The following DMD variants were observed in gnomAD, a reference collection of about 807,000 sequenced individuals.
DMD encodes the protein mutant dystrophin.
In DMD, 63 loss-of-function variants were observed where a neutral mutation model predicts 330.1. The observed-to-expected ratio is 0.19, with a 90% confidence interval of 0.16 to 0.24. DMD has a LOEUF of 0.24. Ranked by LOEUF, DMD falls within the 10% of genes least tolerant of loss-of-function variation. The pLI, the probability that DMD is intolerant of heterozygous loss-of-function variation, is 1.00. For missense variants in DMD, 3,344 were observed against 2,684.1 expected (o/e 1.25, Z -5.43); for synonymous variants, 1,223 against 959.8 (o/e 1.27, Z -5.07).
intron 60 of DMD, among the ~76,000 whole-genome samples, chrX:31,379,185 C>T (rs902646211): frequency 1.3e-4 from 14 of 109,843 alleles, no homozygotes; most frequent in Non-Finnish European, 2.3e-4. Context: ...CCCCTCCTCG[C>T]CAGGCCCAAT....
intron 2 of DMD, among the ~76,000 whole-genome samples, chrX:32,897,985 G>A (rs965142139): frequency 4.5e-5 from 5 of 112,122 alleles, no homozygotes; most frequent in Non-Finnish European, 7.5e-5. Flanking sequence ...ATTTTTAAGA[G>A]TTTTTTCCAC....
At chrX:33,119,805 T>C (rs1299226845) in intron 1 of DMD, among the ~76,000 whole-genome samples, 1 of 111,738 alleles carries the variant, frequency 8.9e-6, no homozygotes, top group Non-Finnish European at 1.9e-5. Context: ...GGGGGATTAT[T>C]GTAGTATCTA....
intron 65 of DMD, 142 bp from the exon 66 acceptor site, chrX:31,206,809 TATTAAG>T: frequency 3.9e-6 from 2 of 518,059 alleles, no homozygotes; most frequent in Middle Eastern, 7.2e-4. Flanking sequence ...ACCACTGTTT[TATTAAG>T]ATTGTTTTGA....
chrX:32,576,310 A>AT (rs1274975989), intron 13 of DMD, among the ~76,000 whole-genome samples: 1 of 111,124 alleles, frequency 9.0e-6, no homozygotes, highest in Non-Finnish European at 1.9e-5. Context: ...CCAGCATGCG[A>AT]TTTTTTTCTT....
intron 43 of DMD, among the ~76,000 whole-genome samples, chrX:32,287,266 A>G (rs901865278): frequency 8.9e-6 from 1 of 111,817 alleles, no homozygotes; most frequent in African/African-American, 3.2e-5. Context: ...CAATGCCCCA[A>G]TCTGATTTAC....
chrX:32,192,964 G>A (rs940602658), intron 44 of DMD, among the ~76,000 whole-genome samples: 49 of 111,912 alleles, frequency 4.4e-4, no homozygotes, highest in African/African-American at 1.4e-3. Context: ...CTGGTGGGAG[G>A]TGACTGGATC....
intron 50 of DMD, among the ~76,000 whole-genome samples, chrX:31,795,372 G>T (rs17340976): frequency 0.12 from 13,031 of 111,528 alleles, 551 homozygotes; most frequent in East Asian, 0.18. Context: ...CTTATCTGAG[G>T]GTGAAATCTC....
chrX:32,506,869 GT>G (rs1399449073), intron 18 of DMD, among the ~76,000 whole-genome samples: 1 of 111,417 alleles, frequency 9.0e-6, no homozygotes, highest in Admixed American at 9.5e-5. Context: ...TAATTTGTTG[GT>G]TGAACTGAAA....
At chrX:32,441,031 A>G (rs2148220127) in intron 28 of DMD, 149 bp downstream of exon 28, 2 of 635,621 alleles carry the variant, frequency 3.1e-6, no homozygotes, top group Non-Finnish European at 2.3e-6. Flanking sequence ...AGGGGGAACA[A>G]AGGCTTTATC....
At chrX:32,723,036 C>T (rs749272923) in intron 7 of DMD, among the ~76,000 whole-genome samples, 1 of 110,963 alleles carries the variant, frequency 9.0e-6, no homozygotes, top group African/African-American at 3.3e-5. Flanking sequence ...AGTACAACCA[C>T]CCCACAACCA....
chrX:31,706,956 G>T (rs1368377671), intron 52 of DMD, among the ~76,000 whole-genome samples: 1 of 111,951 alleles, frequency 8.9e-6, no homozygotes, highest in Non-Finnish European at 1.9e-5. Flanking sequence ...TTAGCAAGAG[G>T]TTCAGAACAG....
chrX:32,330,312 CTTTTA>C (rs2097672892), intron 41 of DMD, among the ~76,000 whole-genome samples: 1 of 111,937 alleles, frequency 8.9e-6, no homozygotes, highest in Admixed American at 9.5e-5. Context: ...TATTATAATC[CTTTTA>C]TTTTGTGAAA....
At chrX:31,522,357 C>CTATATATATATA (rs1205735701) in intron 55 of DMD, among the ~76,000 whole-genome samples, 4 of 57,657 alleles carry the variant, frequency 6.9e-5, no homozygotes, top group Non-Finnish European at 8.7e-5. Flanking sequence ...CTCTCTCTCT[C>CTATATATATATA]TCTCTCTATA....
chrX:32,269,421 C>T (rs2097357275), intron 43 of DMD, among the ~76,000 whole-genome samples: 1 of 112,012 alleles, frequency 8.9e-6, no homozygotes, highest in Non-Finnish European at 1.9e-5. Context: ...TTCATTTCTG[C>T]TCTAAAGTTT....
In DMD at chrX:31,120,917, A is replaced by G. The variant is rs1006458320; in HGVS notation, c.*1002T>C. The stretch of plus-strand genomic sequence containing the variant: ...CCAACCGATTACTCACTCTGATATA[A>G]TAAGTCCTGTGTATTCATTCACATG... On this transcript the variant is annotated 3_prime_UTR_variant, in exon 79 of 79. Transcript: ENST00000357033. The G allele has an allele frequency of 9.0e-6, 1 of 111,315 alleles. No individual in the cohort carries two copies. Among genetic ancestry groups the G allele is most frequent in the African/African-American group, 3.3e-5 (1 of 30,158 alleles). 9.2% of individuals were successfully genotyped at this position (111,315 alleles called of 1,213,427 possible).
chrX:31,544,429 C>T (rs1329826052), intron 55 of DMD, among the ~76,000 whole-genome samples: 6 of 110,888 alleles, frequency 5.4e-5, no homozygotes, highest in African/African-American at 2.0e-4. Flanking sequence ...CTCTCACCTT[C>T]CCCTTCCCCC....
chrX:32,087,247 C>A (rs953543063), intron 44 of DMD, among the ~76,000 whole-genome samples: 1 of 111,513 alleles, frequency 9.0e-6, no homozygotes, highest in African/African-American at 3.3e-5. Context: ...CGGTATTTCC[C>A]AGAAGAATTA....
At chrX:32,285,291 G>C (rs1014036623) in intron 43 of DMD, among the ~76,000 whole-genome samples, 7 of 112,290 alleles carry the variant, frequency 6.2e-5, no homozygotes, top group Admixed American at 2.8e-4. Flanking sequence ...CTTCCCAAGA[G>C]TGGAATGAAC....
chrX:32,844,370 C>T (rs2080441022), intron 4 of DMD, among the ~76,000 whole-genome samples: 1 of 103,201 alleles, frequency 9.7e-6, no homozygotes, highest in Non-Finnish European at 2.0e-5. Flanking sequence ...CACGCCACTG[C>T]ACTCCAGCCT....
Sources: allele counts gnomAD v4.1 joint callset (sites outside exome capture counted in the v4.1 genomes callset), GRCh38; gene constraint gnomAD v4.1.1; transcripts MANE v1.5; gene names NCBI Gene and HGNC (gene_info 2026-07-23, HGNC 2026-07-21).